The following SMIM35 variants were observed in gnomAD, a reference collection of about 807,000 sequenced individuals.
The protein encoded by SMIM35 is TMPRSS4 antisense RNA 1 (non-protein coding).
At chr11:118,058,792 G>A (rs1433648576) in intron 1 of SMIM35, among the ~76,000 whole-genome samples, 2 of 152,214 alleles carry the variant, frequency 1.3e-5, no homozygotes, top group African/African-American at 4.8e-5. Context: ...GAAGGAATGG[G>A]GTGGGAGCTG....
At chr11:118,014,493 A>G (rs2135019870) in intron 3 of SMIM35, among the ~76,000 whole-genome samples, 1 of 152,144 alleles carries the variant, frequency 6.6e-6, no homozygotes, top group South Asian at 2.1e-4. Flanking sequence ...TAAGGAGATC[A>G]TTGTCATCAG....
intron 1 of SMIM35, among the ~76,000 whole-genome samples, chr11:118,082,965 C>A (rs767712875): frequency 1.3e-5 from 2 of 152,196 alleles, no homozygotes; most frequent in Non-Finnish European, 2.9e-5. Flanking sequence ...AATGCAGAAT[C>A]CTCGTATGGG....
chr11:118,053,355 A>AC (rs1565393100), intron 1 of SMIM35, among the ~76,000 whole-genome samples: 1 of 130,922 alleles, frequency 7.6e-6, no homozygotes, highest in Non-Finnish European at 1.6e-5. Flanking sequence ...CACACACACA[A>AC]AGCTTACTAG....
chr11:118,018,509 A>G (rs2512153), intron 1 of SMIM35, among the ~76,000 whole-genome samples: 65,983 of 151,988 alleles, frequency 0.43, 16,887 homozygotes, highest in African/African-American at 0.72. Flanking sequence ...TGACCCAAGG[A>G]CTCAAATCTT....
intron 1 of SMIM35, among the ~76,000 whole-genome samples, chr11:118,071,108 T>G (rs2135141518): frequency 6.6e-6 from 1 of 152,352 alleles, no homozygotes; most frequent in Non-Finnish European, 1.5e-5. Flanking sequence ...AGCTATTTCC[T>G]TACCGTGTGT....
At chr11:118,025,531 T>G (rs1462582257) in intron 1 of SMIM35, 1 of 455,488 alleles carries the variant, frequency 2.2e-6, no homozygotes, top group Non-Finnish European at 4.4e-6. Context: ...TTTGCATTTT[T>G]CCAATGATTA....
intron 1 of SMIM35, among the ~76,000 whole-genome samples, chr11:118,050,520 C>T (rs1944194207): frequency 6.6e-6 from 1 of 152,218 alleles, no homozygotes; most frequent in Admixed American, 6.5e-5. Context: ...CTCCGTTTAT[C>T]CCCACCAGAC....
At chr11:118,032,599 A>G (rs1459290186) in intron 1 of SMIM35, among the ~76,000 whole-genome samples, 1 of 151,862 alleles carries the variant, frequency 6.6e-6, no homozygotes, top group Admixed American at 6.6e-5. Context: ...AGGTACATGT[A>G]TTACTCTAAT....
intron 1 of SMIM35, among the ~76,000 whole-genome samples, chr11:118,078,327 G>A (rs1224548482): frequency 6.6e-6 from 1 of 152,158 alleles, no homozygotes; most frequent in Non-Finnish European, 1.5e-5. Flanking sequence ...AGCCACCAAA[G>A]TGAAAGGGAA....
intron 1 of SMIM35, among the ~76,000 whole-genome samples, chr11:118,066,114 G>T (rs1350442310): frequency 1.3e-5 from 2 of 152,038 alleles, no homozygotes; most frequent in Non-Finnish European, 2.9e-5. Flanking sequence ...TGGCACCTCT[G>T]ACTCAAACTG....
At position 118,024,139 on chromosome 11, in the gene SMIM35, T is replaced by A. The variant is rs1333230918; in HGVS notation, c.8-8330A>T. Among the ~76,000 whole-genome samples the A allele has an allele frequency of 2.6e-5, 4 of 151,778 alleles. No homozygotes were observed. The South Asian group carries it at 6.2e-4, about 24-fold the overall frequency. ...AAACGAGGGAAAACAGAAAAAAAAA[T>A]TTTGATGAGATATGGCCAACAATTT... On this transcript the variant is annotated intron_variant, in intron 1 of 4. Coordinates refer to ENST00000689828, the MANE Select transcript of SMIM35 (RefSeq NM_001394165.1).
intron 1 of SMIM35, among the ~76,000 whole-genome samples, chr11:118,042,801 C>T (rs1424863302): frequency 6.6e-6 from 1 of 152,194 alleles, no homozygotes. Context: ...AATAAGTATA[C>T]ATCATAACCA....
At chr11:118,054,555 C>G (rs1019741973) in intron 1 of SMIM35, among the ~76,000 whole-genome samples, 50 of 152,014 alleles carry the variant, frequency 3.3e-4, no homozygotes, top group South Asian at 2.1e-4. Context: ...TACATCTTGC[C>G]CTTTTTGACC....
At chr11:118,008,721 C>G (rs902423401) in intron 4 of SMIM35, among the ~76,000 whole-genome samples, 2 of 152,232 alleles carry the variant, frequency 1.3e-5, no homozygotes, top group Non-Finnish European at 2.9e-5. Flanking sequence ...CCAAGATGTT[C>G]TGAAGAGAGA....
intron 4 of SMIM35, among the ~76,000 whole-genome samples, chr11:118,007,323 A>C (rs888981926): frequency 7.9e-5 from 12 of 152,200 alleles, no homozygotes; most frequent in African/African-American, 2.9e-4. Context: ...ATACAAACAA[A>C]CACAGCATCA....
intron 1 of SMIM35, among the ~76,000 whole-genome samples, chr11:118,078,154 T>C (rs542448210): frequency 6.6e-6 from 1 of 152,188 alleles, no homozygotes; most frequent in Non-Finnish European, 1.5e-5. Flanking sequence ...CCTCCTCCTC[T>C]GAATACCTGG....
intron 1 of SMIM35, chr11:118,025,696 C>T (rs2058269115): frequency 4.4e-6 from 2 of 452,370 alleles, no homozygotes; most frequent in Non-Finnish European, 8.8e-6. Context: ...ATATTAGACC[C>T]TTGTTGGATG....
intron 1 of SMIM35, chr11:118,067,488 T>C (rs1369209321): frequency 6.6e-6 from 1 of 151,972 alleles, no homozygotes; most frequent in Non-Finnish European, 1.5e-5. Context: ...GGATCATGCC[T>C]GTGAATAGCC....
At chr11:118,068,789 G>A (rs769300002) in intron 1 of SMIM35, among the ~76,000 whole-genome samples, 9 of 152,176 alleles carry the variant, frequency 5.9e-5, no homozygotes, top group Non-Finnish European at 1.3e-4. Flanking sequence ...ACCACCTGGC[G>A]GCACTGTGTC....
Sources: allele counts gnomAD v4.1 joint callset (sites outside exome capture counted in the v4.1 genomes callset), GRCh38; gene constraint gnomAD v4.1.1; transcripts MANE v1.5; gene names NCBI Gene and HGNC (gene_info 2026-07-23, HGNC 2026-07-21).